CHD4: variants seen among roughly 807,000 people sequenced by gnomAD.
CHD4 encodes the protein ATP-dependent chromatin remodeler CHD4.
CHD4 carries 35 observed loss-of-function variants against 235.5 expected under a neutral mutation model. The ratio of observed to expected loss-of-function variants is 0.15; its 90% CI spans 0.11 to 0.20. CHD4 has a LOEUF of 0.20. CHD4 is among the 10% of genes least tolerant of loss of function. The probability of loss-of-function intolerance (pLI) is 1.00; values close to 1 mark genes in which losing one functional copy is unlikely to be tolerated. For synonymous variants in CHD4, 900 were observed against 850.2 expected, an observed-to-expected ratio of 1.06 and a Z score of -1.02; for missense variants, 1,329 against 2,432.3, an observed-to-expected ratio of 0.55 and a Z score of 9.54.
Position 6,570,977 on chromosome 12 carries a change from G to C in CHD4, c.5613C>G (p.Leu1871=). Residue 1871 remains leucine (L), a synonymous_variant, in exon 39 of 40, where the codon CTC becomes CTG. Coordinates refer to ENST00000544040, the MANE Select transcript of CHD4 (RefSeq NM_001273.5). ...LSDMKADVTR[L]PATIARIPPV... is the part of the protein sequence containing the mutation. ...GGGGAATTCGGGCAATGGTAGCTGG[G>C]AGTCGAGTCACATCAGCTTTCATGT... The C allele has an allele frequency of 6.2e-7, 1 of 1,614,172 alleles. No individual in the cohort carries two copies.
chr12:6,590,508 G>T (rs1211538965), intron 22 of CHD4, among the ~76,000 whole-genome samples: 1 of 146,838 alleles, frequency 6.8e-6, no homozygotes, highest in African/African-American at 2.5e-5. Context: ...AAAATAAAAA[G>T]TTTTTTTTTT....
At chr12:6,596,932 C>A (rs915825156) in intron 12 of CHD4, among the ~76,000 whole-genome samples, 3 of 151,252 alleles carry the variant, frequency 2.0e-5, no homozygotes, top group Non-Finnish European at 4.4e-5. Context: ...GCACTCCAGG[C>A]TGGGCCACAG....
chr12:6,577,161 A>T (rs1308259345), intron 37 of CHD4, among the ~76,000 whole-genome samples: 1 of 152,162 alleles, frequency 6.6e-6, no homozygotes, highest in Non-Finnish European at 1.5e-5. Flanking sequence ...GCTCATGCCT[A>T]TAATCCCAGC....
At chr12:6,597,168 C>T (rs535496363) in intron 12 of CHD4, among the ~76,000 whole-genome samples, 6 of 149,412 alleles carry the variant, frequency 4.0e-5, no homozygotes, top group Non-Finnish European at 8.9e-5. Context: ...CCCAGCTACT[C>T]GGGAGGCTGA....
In CHD4 at chr12:6,606,341, G is replaced by A. The variant is rs755349043; in HGVS notation, c.33C>T (p.Cys11=). The A allele has an allele frequency of 6.4e-7, 1 of 1,571,760 alleles. No homozygotes were observed. The highest frequency in any genetic ancestry group is 1.9e-5 in the Admixed American group (1 of 52,050). ...TATCCTCCTCCTCACTGCCCGCCGA[G>A]CAGGGGGACGGGGAGCCCAGGCCCG... MASGLGSPSP[C]SAGSEEEDMD... is the part of the protein sequence containing the mutation. Residue 11 remains cysteine, a synonymous_variant, in exon 2 of 40, where the codon TGC becomes TGT. Transcript: ENST00000544040.
At position 6,592,584 on chromosome 12, in the gene CHD4, A is replaced by T. The variant is rs1391180613; in HGVS notation, c.2775-18T>A. The T allele has an allele frequency of 6.3e-7, 1 of 1,581,826 alleles. No homozygotes were observed. The highest frequency in any genetic ancestry group is 8.6e-7 in the Non-Finnish European group (1 of 1,160,176). On this transcript the variant is annotated intron_variant, in intron 18 of 39. Transcript: ENST00000544040. ...CCAAATTGCTTCAGAAAGAAAAAGGAAAAAAGTTATTGGAGAAGGAGAAAG... is the reference window on the plus strand; with the variant it reads ...CCAAATTGCTTCAGAAAGAAAAAGGTAAAAAGTTATTGGAGAAGGAGAAAG...
Position 6,578,923 on chromosome 12 carries a change from G to C in CHD4, c.4910-6C>G. 6.2e-7 allele frequency: 1 copy of C among 1,613,534 alleles called. No homozygotes were observed. The highest frequency in any genetic ancestry group is 8.5e-7 in the Non-Finnish European group (1 of 1,179,524). On this transcript the variant is annotated splice_polypyrimidine_tract_variant and splice_region_variant and intron_variant, in intron 33 of 39. Coordinates refer to ENST00000544040, the MANE Select transcript of CHD4 (RefSeq NM_001273.5). ...CTTCTCTACATCAGCAGCACCTAGGGGAAGAAATGTTATTGAGACTATACC... is the reference window on the plus strand; with the variant it reads ...CTTCTCTACATCAGCAGCACCTAGGCGAAGAAATGTTATTGAGACTATACC...
At chr12:6,604,716 G>T (rs1040822246) in intron 2 of CHD4, among the ~76,000 whole-genome samples, 2 of 152,048 alleles carry the variant, frequency 1.3e-5, no homozygotes, top group Non-Finnish European at 2.9e-5. Flanking sequence ...ATGGCAAACC[G>T]CAAACTTACT....
chr12:6,582,116 G>C, intron 30 of CHD4, 21 bp downstream of exon 30: 1 of 1,529,340 alleles, frequency 6.5e-7, no homozygotes, highest in Non-Finnish European at 8.8e-7. Context: ...TAGAAACAAT[G>C]GCAAGAGGCT....
At chr12:6,579,018 A>C (rs1948122851) in intron 33 of CHD4, 101 bp from the exon 34 acceptor site, 2 of 1,097,306 alleles carry the variant, frequency 1.8e-6, no homozygotes, top group Admixed American at 1.9e-5. Flanking sequence ...AAATGTCTGC[A>C]ATTACAGTAA....
chr12:6,588,754 G>C (rs1475835916), intron 22 of CHD4, among the ~76,000 whole-genome samples: 2 of 151,772 alleles, frequency 1.3e-5, no homozygotes, highest in Non-Finnish European at 2.9e-5. Flanking sequence ...CTTTAGCCTG[G>C]GCAACAGAGC....
chr12:6,587,582 A>G (rs773444998), intron 24 of CHD4, 23 bp from the exon 25 acceptor site: 324 of 1,612,670 alleles, frequency 2.0e-4, no homozygotes, highest in Non-Finnish European at 2.6e-4. Flanking sequence ...AAGGGCCCAC[A>G]TCCCCAAAGT....
Position 6,598,236 on chromosome 12 carries a change from C to T in CHD4, c.1672G>A (p.Val558Ile). The change falls in exon 11 of 40, where the codon GTT becomes ATT. Residue 558 changes from valine to isoleucine, a missense_variant. Physicochemically the swap from Val to Ile is conservative, Grantham distance 29. This residue lies in a region of CHD4 where 8 missense variants were observed against 41.3 expected (regional missense o/e 0.19). Coordinates refer to ENST00000544040, the MANE Select transcript of CHD4 (RefSeq NM_001273.5). ...QGMSYWHCSW[V>I]SELQLELHCQ... ...CCTAAACTTACCTGCAGTTCAGAAACCCAGGAGCAGTGCCAGTAAGACATG... is the reference window on the plus strand; with the variant it reads ...CCTAAACTTACCTGCAGTTCAGAAATCCAGGAGCAGTGCCAGTAAGACATG... 1 of 1,613,034 alleles carries T rather than the reference C, an allele frequency of 6.2e-7. No individual in the cohort carries two copies. The highest frequency in any genetic ancestry group is 8.5e-7 in the Non-Finnish European group (1 of 1,179,184).
chr12:6,606,660 T>G, intron 1 of CHD4: 4 of 310,782 alleles, frequency 1.3e-5, no homozygotes, highest in East Asian at 6.4e-5. Context: ...GAGCGACGCC[T>G]CCGAGGGCAG....
intron 2 of CHD4, among the ~76,000 whole-genome samples, chr12:6,604,025 C>T (rs951029534): frequency 2.6e-5 from 4 of 152,160 alleles, no homozygotes; most frequent in African/African-American, 9.7e-5. Flanking sequence ...TGCCTGTAAT[C>T]GCAGCACTCT....
At chr12:6,596,357 CAT>C (rs892398176) in intron 12 of CHD4, among the ~76,000 whole-genome samples, 14 of 152,124 alleles carry the variant, frequency 9.2e-5, no homozygotes, top group Non-Finnish European at 1.8e-4. Flanking sequence ...TAATAATTAA[CAT>C]AGAGTGTTGG....
chr12:6,596,118 C>T lies in CHD4; in HGVS notation c.1912G>A (p.Val638Ile), dbSNP rs746008542. The T allele has an allele frequency of 9.3e-6, 15 of 1,613,906 alleles. No individual in the cohort carries two copies. The highest frequency in any genetic ancestry group is 4.5e-5 in the East Asian group (2 of 44,874). ...LNHSVDKKGH[V>I]HYLIKWRDLP... ...TCCCGCCACTTGATCAAGTAGTGGA[C>T]GTGGCCCTTCTTGTCCACACTGCAA... The change falls in exon 13 of 40, where the codon GTC becomes ATC. Residue 638 changes from valine (V) to isoleucine (I), a missense_variant. By Grantham distance (29) the Val-to-Ile change is conservative. Around this residue, in one of 26 missense-constraint regions of CHD4, gnomAD observed 121 missense variants for 177.8 expected, o/e 0.68. Transcript: ENST00000544040.
At position 6,582,952 on chromosome 12, in the gene CHD4, G is replaced by A; in HGVS notation, c.4148-16C>T. 4 of 1,612,740 alleles carry A rather than the reference G, an allele frequency of 2.5e-6. No individual in the cohort carries two copies. The highest frequency in any genetic ancestry group is 3.4e-6 in the Non-Finnish European group (4 of 1,179,464). On this transcript the variant is annotated splice_polypyrimidine_tract_variant and intron_variant, in intron 27 of 39. Coordinates refer to ENST00000544040, the MANE Select transcript of CHD4 (RefSeq NM_001273.5). ...CTACGGGGAGCTGCAAGAAGAAAAA[G>A]ATGAATGAGTGACACAGGTAGGATA... is the stretch of plus-strand genomic sequence containing the variant.
intron 2 of CHD4, among the ~76,000 whole-genome samples, 163 bp downstream of exon 2, chr12:6,606,109 CCT>C (rs1948691407): frequency 6.6e-6 from 1 of 152,230 alleles, no homozygotes; most frequent in African/African-American, 2.4e-5. Context: ...CTTCCACCCC[CCT>C]CACACCAGAG....
Sources: allele counts gnomAD v4.1 joint callset (sites outside exome capture counted in the v4.1 genomes callset), GRCh38; gene constraint gnomAD v4.1.1; regional missense constraint gnomAD v4.1.1; transcripts MANE v1.5; gene names NCBI Gene and HGNC (gene_info 2026-07-23, HGNC 2026-07-21).